COA7: variants seen among roughly 807,000 people sequenced by gnomAD.
COA7 encodes the protein cytochrome c oxidase assembly factor 7.
A neutral mutation model predicts 21.0 loss-of-function variants in COA7; 12 were observed. That is an observed-to-expected ratio of 0.57 (90% CI 0.37 to 0.92). The LOEUF (loss-of-function observed/expected upper bound fraction) is 0.92, where lower values mean the gene tolerates loss of function less well. Ranked by LOEUF, COA7 falls within the 40% of genes least tolerant of loss-of-function variation. COA7 has a pLI of 0.01. For missense variants in COA7, 240 were observed against 286.1 expected, an observed-to-expected ratio of 0.84 and a Z score of 1.16; for synonymous variants, 95 against 107.4, an observed-to-expected ratio of 0.88 and a Z score of 0.72.
In COA7 at chr1:52,688,156, T is replaced by C; in HGVS notation, c.260A>G (p.Gln87Arg). The C allele has an allele frequency of 6.2e-7, 1 of 1,610,610 alleles. No individual in the cohort carries two copies. Among genetic ancestry groups the C allele is most frequent in the Non-Finnish European group, 8.5e-7 (1 of 1,179,906 alleles). ...GCACCTGGCGGCAGCTTTCAGGTCC[T>C]GGGTCAGACCACCTGAGAGGAAGGA... ...YYVTGKGGLT[Q>R]DLKAAARCFL... is the part of the protein sequence containing the mutation. The change falls in exon 3 of 3, where the codon CAG (glutamine) becomes CGG (arginine). Residue 87 changes from glutamine to arginine, a missense_variant. Physicochemically the swap from Gln to Arg is conservative, Grantham distance 43 (BLOSUM62 1). Transcript: ENST00000371538.
At chr1:52,695,218 C>T (rs407475) in intron 1 of COA7, among the ~76,000 whole-genome samples, 60,803 of 149,102 alleles carry the variant, frequency 0.41, 13,284 homozygotes, top group Non-Finnish European at 0.49. Flanking sequence ...CACTTGAACC[C>T]GGGAGGCAGA....
intron 1 of COA7, 45 bp from the exon 2 acceptor site, chr1:52,692,912 G>A: frequency 6.2e-7 from 1 of 1,610,236 alleles, no homozygotes; most frequent in South Asian, 1.1e-5. Flanking sequence ...TGGGGCTGCT[G>A]CTCGCAGTGG....
In COA7 at chr1:52,686,508, C is replaced by G. The variant is rs1055040143; in HGVS notation, c.*1212G>C. 2.0e-5 allele frequency: 3 copies of G among 151,518 alleles called. No individual in the cohort carries two copies. The highest frequency in any genetic ancestry group is 7.3e-5 in the African/African-American group (3 of 41,154). 9.4% of individuals were successfully genotyped at this position (151,518 alleles called of 1,614,324 possible). On this transcript the variant is annotated 3_prime_UTR_variant, in exon 3 of 3. Transcript: ENST00000371538. ...TATCGCCCAGGCTGGAGGGCAGTGG[C>G]GCAATCTCAGCTCACTGCAAGCTCC... is the stretch of plus-strand genomic sequence containing the variant.
At chr1:52,690,838 G>A (rs940922305) in intron 2 of COA7, among the ~76,000 whole-genome samples, 2 of 152,080 alleles carry the variant, frequency 1.3e-5, no homozygotes, top group African/African-American at 2.4e-5. Flanking sequence ...GGCCAGGCAC[G>A]GTGGCTCACA....
intron 1 of COA7, among the ~76,000 whole-genome samples, chr1:52,696,178 G>A (rs548600321): frequency 2.2e-4 from 34 of 152,112 alleles, no homozygotes; most frequent in Non-Finnish European, 4.0e-4. Flanking sequence ...AACAACCCCA[G>A]GTTCTTTTTT....
In COA7 at chr1:52,685,291, G is replaced by C. The variant is rs893875916; in HGVS notation, c.*2429C>G. The C allele has an allele frequency of 6.6e-6, 1 of 152,198 alleles. No individual in the cohort carries two copies. The allele number at this position is 152,198 out of a possible 1,614,324, so 9.4% of individuals were successfully genotyped here. Reference sequence around the variant, plus strand: ...TTTCCCAGCATTTCATGCTGTCGGTGCTTTGGATTTTGGCCATTCTAATAG... The same window carrying C: ...TTTCCCAGCATTTCATGCTGTCGGTCCTTTGGATTTTGGCCATTCTAATAG... On this transcript the variant is annotated 3_prime_UTR_variant, in exon 3 of 3. Transcript: ENST00000371538.
chr1:52,696,196 G>A (rs543947833), intron 1 of COA7, among the ~76,000 whole-genome samples: 2 of 151,060 alleles, frequency 1.3e-5, no homozygotes, highest in South Asian at 2.1e-4. Flanking sequence ...TTTTTGAGAC[G>A]TTGTTTCACT....
Position 52,692,845 on chromosome 1 carries a change from A to G in COA7, c.129T>C (p.Tyr43=). 8 of 1,613,972 alleles carry G rather than the reference A, an allele frequency of 5.0e-6. No individual in the cohort carries two copies. The highest frequency in any genetic ancestry group is 5.9e-6 in the Non-Finnish European group (7 of 1,179,974). The stretch of plus-strand genomic sequence containing the variant: ...CAAAATTCTTCCGGATCCCTTCCAA[A>G]TAGTCCACCAGCCGATAGCAACCTG... The part of the protein sequence containing the change: ...DPDGCYRLVD[Y]LEGIRKNFDE... Residue 43 remains tyrosine, a synonymous_variant, in exon 2 of 3, where the codon TAT becomes TAC. Transcript: ENST00000371538.
In COA7 at chr1:52,687,130, TG is replaced by T. The variant is rs1252205801; in HGVS notation, c.*589del. 6.4e-6 allele frequency: 1 copy of T among 155,108 alleles called. No homozygotes were observed. The highest frequency in any genetic ancestry group is 2.4e-5 in the African/African-American group (1 of 41,444). 9.6% of individuals were successfully genotyped at this position (155,108 alleles called of 1,614,324 possible). ...TCCCTCTTGATCTCTGTGAATTTAC[TG>T]AAAGATGTGACTCTAAAGGCAAAAC... On this transcript the variant is annotated 3_prime_UTR_variant, in exon 3 of 3. Transcript: ENST00000371538.
At chr1:52,692,907 C>T (rs373523201) in intron 1 of COA7, 40 bp from the exon 2 acceptor site, 2 of 1,611,550 alleles carry the variant, frequency 1.2e-6, no homozygotes, top group Non-Finnish European at 1.7e-6. Context: ...ATGTCTGGGG[C>T]TGCTGCTCGC....
At chr1:52,696,309 G>A (rs1379505686) in intron 1 of COA7, among the ~76,000 whole-genome samples, 2 of 152,180 alleles carry the variant, frequency 1.3e-5, no homozygotes, top group Admixed American at 6.5e-5. Context: ...GAGTAGCTGG[G>A]ATTACAGGCG....
intron 1 of COA7, among the ~76,000 whole-genome samples, chr1:52,696,043 A>G (rs1644081985): frequency 6.6e-6 from 1 of 152,064 alleles, no homozygotes; most frequent in South Asian, 2.1e-4. Context: ...CCTCTCCTCC[A>G]TTTAATCAAC....
rs1007097359 is a variant in COA7 at position 52,686,894 on chromosome 1, A to T, written c.*826T>A. 2.6e-5 allele frequency: 4 copies of T among 152,268 alleles called. No homozygotes were observed. Among genetic ancestry groups the T allele is most frequent in the African/African-American group, 9.6e-5 (4 of 41,458 alleles). The allele number at this position is 152,268 out of a possible 1,614,324, so 9.4% of individuals were successfully genotyped here. ...AGTTAAAAAGGCTCAGTTCCAGGGG[A>T]CAAATGTGTCACAAAGTCCTTGCTT... is the stretch of plus-strand genomic sequence containing the variant. On this transcript the variant is annotated 3_prime_UTR_variant, in exon 3 of 3. Coordinates refer to ENST00000371538, the MANE Select transcript of COA7 (RefSeq NM_023077.3).
chr1:52,697,675 C>T (rs530212330), intron 1 of COA7, among the ~76,000 whole-genome samples: 11 of 152,322 alleles, frequency 7.2e-5, no homozygotes, highest in Non-Finnish European at 1.2e-4. Context: ...CGGGTTCACA[C>T]CACTCTCCTG....
At chr1:52,697,961 G>C in intron 1 of COA7, 1 of 461,084 alleles carries the variant, frequency 2.2e-6, no homozygotes, top group South Asian at 3.2e-5. Context: ...CACGAGGGCA[G>C]GGAGTTTCAT....
chr1:52,691,171 T>A (rs893685075), intron 2 of COA7, among the ~76,000 whole-genome samples: 2 of 151,772 alleles, frequency 1.3e-5, no homozygotes, highest in African/African-American at 4.8e-5. Flanking sequence ...ACCCTAGCAC[T>A]TTGAGAGGCC....
chr1:52,697,633 C>T (rs1392325617), intron 1 of COA7, among the ~76,000 whole-genome samples: 2 of 152,152 alleles, frequency 1.3e-5, no homozygotes, highest in Non-Finnish European at 2.9e-5. Flanking sequence ...AGTGCAGTGG[C>T]GCGATCTCTG....
rs917044499 is a variant in COA7, at chr1:52,686,832, A to G, written c.*888T>C. ...TCTGGAAAGAACACTAATTAACACAAACCGTAGGTCACTCAAAATTGTTCA... is the reference window on the plus strand; with the variant it reads ...TCTGGAAAGAACACTAATTAACACAGACCGTAGGTCACTCAAAATTGTTCA... On this transcript the variant is annotated 3_prime_UTR_variant, in exon 3 of 3. Transcript: ENST00000371538. 1 of 152,208 alleles carries G rather than the reference A, an allele frequency of 6.6e-6. No homozygotes were observed. Among genetic ancestry groups the G allele is most frequent in the Admixed American group, 6.5e-5 (1 of 15,272 alleles). The allele number at this position is 152,208 out of a possible 1,614,324, so 9.4% of individuals were successfully genotyped here.
In COA7 at chr1:52,691,532, C is replaced by T. The variant is rs1210842029; in HGVS notation, c.247+1195G>A. On this transcript the variant is annotated intron_variant, in intron 2 of 2. Coordinates refer to ENST00000371538, the MANE Select transcript of COA7 (RefSeq NM_023077.3). Reference sequence around the variant, plus strand: ...TGTTGCCCAGGCTGGAGTGCAGTGGCGCGATCTCAGCTCACTGCAACCTCT... The same window carrying T: ...TGTTGCCCAGGCTGGAGTGCAGTGGTGCGATCTCAGCTCACTGCAACCTCT... Among the ~76,000 whole-genome samples the T allele has an allele frequency of 5.5e-5, 8 of 146,450 alleles. No homozygotes were observed. The East Asian group carries it at 6.1e-4, about 11-fold the overall frequency.
Sources: gnomAD v4.1 joint callset for allele counts (sites outside exome capture counted in the v4.1 genomes callset) on GRCh38, gnomAD v4.1.1 for gene constraint, MANE v1.5 for transcripts, NCBI Gene and HGNC (gene_info 2026-07-23, HGNC 2026-07-21) for gene names.